Variants in HDAC8 observed in about 807,000 individuals in gnomAD.
The protein encoded by HDAC8 is histone deacetylase 8, also known as histone deacetylase-like 1.
Under a neutral mutation model 32.2 loss-of-function variants are expected in HDAC8, and 1 was observed. The observed-to-expected ratio is 0.03, with a 90% CI of 0.01 to 0.15. The LOEUF (loss-of-function observed/expected upper bound fraction) is 0.15, where lower values mean the gene tolerates loss of function less well. Ranked by LOEUF, HDAC8 falls within the 10% of genes least tolerant of loss-of-function variation. The pLI is 1.00. For missense variants in HDAC8, 117 were observed against 300.0 expected (o/e 0.39, Z 4.51); for synonymous variants, 108 against 113.9 (o/e 0.95, Z 0.33).
At position 72,401,302 on chromosome X, in the gene HDAC8, T is replaced by TCGGC. The variant is rs1555967287; in HGVS notation, c.1006-49465_1006-49464insGCCG. Among the ~76,000 whole-genome samples, 18 of 112,194 alleles carry TCGGC rather than the reference T, an allele frequency of 1.6e-4. No individual in the cohort carries two copies. The Middle Eastern group carries it at 0.014, about 85-fold the overall frequency. On this transcript the variant is annotated intron_variant, in intron 9 of 10. Coordinates refer to ENST00000373573, the MANE Select transcript of HDAC8 (RefSeq NM_018486.3). ...CCAGGCTGGACGCAGCAGTGCAATC[T>TCGGC]TGGCTCACTGCAACCTCAACCTCCT...
chrX:72,555,070 C>A (rs1475142583), intron 4 of HDAC8, among the ~76,000 whole-genome samples: 1 of 112,422 alleles, frequency 8.9e-6, no homozygotes, highest in Non-Finnish European at 1.9e-5. Flanking sequence ...GATCACATCA[C>A]AGCACTCTTT....
In HDAC8 at chrX:72,568,624, G is replaced by A. The variant is rs145113141; in HGVS notation, c.295+130C>T. The A allele has an allele frequency of 3.2e-4, 250 of 785,591 alleles. No individual in the cohort carries two copies. In the African/African-American group the frequency reaches 4.3e-3, roughly 13 times the overall value. The allele number at this position is 785,591 out of a possible 1,213,427, so 64.7% of individuals were successfully genotyped here. A position where few individuals can be genotyped will look rare whatever the true frequency, so the allele number is the denominator to read the frequency against. On this transcript the variant is annotated intron_variant, in intron 3 of 10. Transcript: ENST00000373573. ...GGTTTGCTTGTTTAGTGAGTTATAT[G>A]TGGCTAAACCAAAAGATTAAGATTG...
chrX:72,416,009 T>C (rs1214132692), intron 9 of HDAC8, among the ~76,000 whole-genome samples: 1 of 111,368 alleles, frequency 9.0e-6, no homozygotes, highest in Admixed American at 9.6e-5. Context: ...GTACTATCTT[T>C]GTCTGGTTTT....
At chrX:72,368,076 A>G in intron 9 of HDAC8, among the ~76,000 whole-genome samples, 1 of 113,138 alleles carries the variant, frequency 8.8e-6, no homozygotes, top group Non-Finnish European at 1.9e-5. Flanking sequence ...ATGGAAAACC[A>G]GTCAACCAGG....
intron 6 of HDAC8, 149 bp from the exon 7 acceptor site, chrX:72,489,190 G>C: frequency 2.1e-6 from 1 of 472,515 alleles, no homozygotes; most frequent in Non-Finnish European, 3.7e-6. Context: ...TGGAGAAGCA[G>C]GCAAATCATA....
At chrX:72,569,941 C>T (rs1288249170) in intron 2 of HDAC8, among the ~76,000 whole-genome samples, 1 of 112,219 alleles carries the variant, frequency 8.9e-6, no homozygotes, top group Non-Finnish European at 1.9e-5. Flanking sequence ...TAAGGTGATT[C>T]ATATACACAT....
chrX:72,341,730 G>T (rs1178605120), intron 10 of HDAC8, among the ~76,000 whole-genome samples: 1 of 111,125 alleles, frequency 9.0e-6, no homozygotes. Flanking sequence ...AAAAATCTTG[G>T]CTTGGGACTG....
chrX:72,447,126 G>A (rs1176816142), intron 9 of HDAC8, among the ~76,000 whole-genome samples: 1 of 111,999 alleles, frequency 8.9e-6, no homozygotes, highest in Non-Finnish European at 1.9e-5. Context: ...ACCTGGTAGA[G>A]ACACAGAAAA....
At chrX:72,450,582 G>GA (rs1555987057) in intron 9 of HDAC8, among the ~76,000 whole-genome samples, 1 of 110,789 alleles carries the variant, frequency 9.0e-6, no homozygotes, top group Non-Finnish European at 1.9e-5. Context: ...ATCTTTTCAA[G>GA]AAAAAAGAAG....
At chrX:72,398,335 G>GT (rs2045815301) in intron 9 of HDAC8, among the ~76,000 whole-genome samples, 1 of 108,663 alleles carries the variant, frequency 9.2e-6, no homozygotes, top group African/African-American at 3.3e-5. Context: ...TTTTTTGTTT[G>GT]TTTTTTTGAG....
intron 4 of HDAC8, among the ~76,000 whole-genome samples, chrX:72,539,356 C>T (rs1402940156): frequency 2.7e-5 from 3 of 110,332 alleles, no homozygotes; most frequent in Admixed American, 1.9e-4. Flanking sequence ...CTCAGTCTCC[C>T]GAGTAGCTGG....
intron 9 of HDAC8, among the ~76,000 whole-genome samples, chrX:72,387,985 A>AC (rs2045494279): frequency 9.0e-6 from 1 of 110,930 alleles, no homozygotes; most frequent in Admixed American, 9.6e-5. Flanking sequence ...CAGACAGATG[A>AC]CATGGGGATT....
At chrX:72,492,543 G>A (rs2048902399) in intron 5 of HDAC8, among the ~76,000 whole-genome samples, 2 of 110,436 alleles carry the variant, frequency 1.8e-5, no homozygotes, top group African/African-American at 6.6e-5. Context: ...TGTAATCATG[G>A]GAGATTTAAA....
chrX:72,481,930 AATG>A (rs2048522562), intron 7 of HDAC8, among the ~76,000 whole-genome samples: 1 of 111,114 alleles, frequency 9.0e-6, no homozygotes, highest in Non-Finnish European at 1.9e-5. Context: ...TCTAAAATTG[AATG>A]ATAACCTGGA....
At chrX:72,337,134 G>C (rs1328661019) in intron 10 of HDAC8, among the ~76,000 whole-genome samples, 1 of 111,938 alleles carries the variant, frequency 8.9e-6, no homozygotes. Context: ...CTCCTTTACT[G>C]GATATGAATT....
chrX:72,447,434 A>G (rs192368686), intron 9 of HDAC8, among the ~76,000 whole-genome samples: 19 of 112,156 alleles, frequency 1.7e-4, no homozygotes, highest in African/African-American at 4.5e-4. Flanking sequence ...GATGGAACAT[A>G]TCTCAAAATA....
rs782664160 is a variant in HDAC8, at chrX:72,440,726, G to C, written c.1005+21278C>G. Among the ~76,000 whole-genome samples, 8 of 112,132 alleles carry C rather than the reference G, an allele frequency of 7.1e-5. No homozygotes were observed. The East Asian group carries it at 2.3e-3, about 32-fold the overall frequency. ...CACTGTGCGTGAGCCGAAGCAGGGC[G>C]AGGCATTGCCTCACTTGGGAAGCAC... On this transcript the variant is annotated intron_variant, in intron 9 of 10. Transcript: ENST00000373573.
intron 4 of HDAC8, among the ~76,000 whole-genome samples, chrX:72,522,496 A>G (rs113092852): frequency 1.1e-3 from 118 of 112,162 alleles, no homozygotes; most frequent in African/African-American, 3.6e-3. Flanking sequence ...AGTGATAGGT[A>G]ATTTTTAATC....
intron 10 of HDAC8, among the ~76,000 whole-genome samples, chrX:72,345,399 CACTT>C (rs1267188138): frequency 5.4e-5 from 6 of 110,955 alleles, no homozygotes; most frequent in Non-Finnish European, 9.4e-5. Context: ...TTGAGTTTAC[CACTT>C]ACTTCTTGCG....
Sources: gnomAD v4.1 joint callset for allele counts (sites outside exome capture counted in the v4.1 genomes callset) on GRCh38, gnomAD v4.1.1 for gene constraint, MANE v1.5 for transcripts, NCBI Gene and HGNC (gene_info 2026-07-23, HGNC 2026-07-21) for gene names.